BABAM2: variants seen among roughly 807,000 people sequenced by gnomAD.
BABAM2 encodes the protein BRISC and BRCA1 A complex member 2.
Under a neutral mutation model 54.7 loss-of-function variants are expected in BABAM2, and 31 were observed. The observed-to-expected ratio is 0.57, with a 90% confidence interval of 0.43 to 0.77. The LOEUF (loss-of-function observed/expected upper bound fraction) is 0.77. BABAM2 is among the 30% of genes least tolerant of loss of function. BABAM2 has a pLI of 0.00. For missense variants in BABAM2, 364 were observed against 455.8 expected (o/e 0.80, Z 1.83); for synonymous variants, 167 against 162.9 (o/e 1.03, Z -0.19).
chr2:28,007,430 A>G (rs1171578036), intron 4 of BABAM2, among the ~76,000 whole-genome samples: 1 of 152,118 alleles, frequency 6.6e-6, no homozygotes, highest in African/African-American at 2.4e-5. Context: ...AAATTTACCA[A>G]GAGGAAATTG....
intron 11 of BABAM2, among the ~76,000 whole-genome samples, chr2:28,302,157 C>G (rs1046813300): frequency 1.3e-5 from 2 of 152,172 alleles, no homozygotes; most frequent in African/African-American, 2.4e-5. Flanking sequence ...GTCATCACGT[C>G]TGTTCTCCCA....
chr2:28,327,311 G>A (rs1399473497), intron 11 of BABAM2: 2 of 1,612,760 alleles, frequency 1.2e-6, no homozygotes, highest in Non-Finnish European at 1.7e-6. Flanking sequence ...CAGCCCGTGG[G>A]AGCAAGTCCT....
chr2:28,126,865 GT>G (rs1669591530), intron 6 of BABAM2, among the ~76,000 whole-genome samples: 1 of 146,838 alleles, frequency 6.8e-6, no homozygotes, highest in African/African-American at 2.5e-5. Context: ...TCTCACTGTG[GT>G]TTTGATTTGC....
intron 3 of BABAM2, among the ~76,000 whole-genome samples, chr2:27,960,323 A>T (rs988687674): frequency 2.0e-5 from 3 of 152,204 alleles, no homozygotes; most frequent in Non-Finnish European, 4.4e-5. Context: ...AGTATAAGGC[A>T]TAGTCCAAGA....
intron 2 of BABAM2, among the ~76,000 whole-genome samples, chr2:27,904,907 G>A (rs1256267592): frequency 3.9e-5 from 6 of 152,264 alleles, no homozygotes; most frequent in Admixed American, 1.3e-4. Flanking sequence ...ATTCAATACA[G>A]GAAGGGAAGA....
chr2:28,236,165 A>G (rs1237080971), intron 7 of BABAM2, among the ~76,000 whole-genome samples: 4 of 152,154 alleles, frequency 2.6e-5, no homozygotes, highest in Admixed American at 6.5e-5. Context: ...TAGGGGGCTT[A>G]TAGAAGTATA....
At chr2:27,940,874 T>C (rs113825791) in intron 3 of BABAM2, among the ~76,000 whole-genome samples, 18 of 152,292 alleles carry the variant, frequency 1.2e-4, no homozygotes, top group African/African-American at 4.1e-4. Context: ...TCCATGTTTG[T>C]GTCTTTCTCC....
intron 6 of BABAM2, among the ~76,000 whole-genome samples, chr2:28,124,574 AGGTTC>A (rs1321944897): frequency 6.6e-6 from 1 of 152,186 alleles, no homozygotes; most frequent in Middle Eastern, 3.2e-3. Context: ...TTTGTAAAGT[AGGTTC>A]CTGAAAAATC....
intron 7 of BABAM2, among the ~76,000 whole-genome samples, chr2:28,164,170 C>T (rs537134296): frequency 1.1e-4 from 16 of 152,302 alleles, no homozygotes; most frequent in African/African-American, 3.9e-4. Flanking sequence ...CTGTGCATTC[C>T]GTGCAGTCAA....
At position 28,172,155 on chromosome 2, in the gene BABAM2, T is replaced by A. The variant is rs1190919638; in HGVS notation, c.680+42775T>A. ...TCCAGCATACTATCCTTAATAGAATTGATCATTCCTTTTTTTCTGGATCTG... is the reference window on the plus strand; with the variant it reads ...TCCAGCATACTATCCTTAATAGAATAGATCATTCCTTTTTTTCTGGATCTG... On this transcript the variant is annotated intron_variant, in intron 7 of 11. Coordinates refer to ENST00000379624, the MANE Select transcript of BABAM2 (RefSeq NM_199191.3). 2.0e-5 allele frequency among the ~76,000 whole-genome samples: 3 copies of A among 151,950 alleles called. No individual in the cohort carries two copies. The South Asian group carries it at 6.2e-4, about 31-fold the overall frequency.
chr2:28,314,143 A>G (rs1689311197), intron 11 of BABAM2, among the ~76,000 whole-genome samples: 2 of 152,340 alleles, frequency 1.3e-5, no homozygotes, highest in African/African-American at 4.8e-5. Context: ...ATCACCTTAC[A>G]GACAATAAGA....
intron 7 of BABAM2, among the ~76,000 whole-genome samples, chr2:28,188,556 C>CAG (rs1676562322): frequency 1.3e-5 from 2 of 152,200 alleles, no homozygotes; most frequent in South Asian, 4.1e-4. Flanking sequence ...CAGGCTCAGT[C>CAG]AGATGCTAAC....
intron 6 of BABAM2, among the ~76,000 whole-genome samples, chr2:28,081,874 A>G (rs1414504523): frequency 6.6e-6 from 1 of 152,236 alleles, no homozygotes; most frequent in Non-Finnish European, 1.5e-5. Context: ...ATGTTTTATC[A>G]AATGTCCTAA....
chr2:27,923,816 C>CA (rs759558904), intron 2 of BABAM2, among the ~76,000 whole-genome samples: 13 of 151,664 alleles, frequency 8.6e-5, no homozygotes, highest in Admixed American at 8.6e-4. Context: ...ATTAAAAATA[C>CA]AAAAAATTAG....
intron 10 of BABAM2, among the ~76,000 whole-genome samples, chr2:28,277,579 G>A (rs530901634): frequency 2.2e-4 from 33 of 152,270 alleles, no homozygotes; most frequent in African/African-American, 7.7e-4. Flanking sequence ...AGAGTACCCC[G>A]CCCCATGCCT....
chr2:28,025,519 A>C, intron 5 of BABAM2, 99 bp downstream of exon 5: 1 of 1,198,770 alleles, frequency 8.3e-7, no homozygotes, highest in Non-Finnish European at 1.1e-6. Context: ...CTTTAGATAA[A>C]CATGGTCCAG....
intron 4 of BABAM2, chr2:28,016,119 A>G (rs1674791966): frequency 7.9e-6 from 9 of 1,135,556 alleles, no homozygotes; most frequent in Admixed American, 2.1e-5. Context: ...TCTTACCCTT[A>G]TCTTCAGAAT....
chr2:28,247,973 C>A (rs1260397747), intron 10 of BABAM2, among the ~76,000 whole-genome samples: 1 of 152,142 alleles, frequency 6.6e-6, no homozygotes, highest in African/African-American at 2.4e-5. Context: ...TGGAGCATTT[C>A]CATCCACTTA....
intron 6 of BABAM2, among the ~76,000 whole-genome samples, chr2:28,065,313 T>G (rs1265632799): frequency 6.6e-6 from 1 of 152,222 alleles, no homozygotes; most frequent in East Asian, 1.9e-4. Context: ...ATTGAGAGTC[T>G]TCCTATTCCT....
Sources: allele counts gnomAD v4.1 joint callset (sites outside exome capture counted in the v4.1 genomes callset), GRCh38; gene constraint gnomAD v4.1.1; transcripts MANE v1.5; gene names NCBI Gene and HGNC (gene_info 2026-07-23, HGNC 2026-07-21).